LMX1B: variants seen among roughly 807,000 people sequenced by gnomAD.
The protein encoded by LMX1B is LIM homeobox transcription factor 1 beta, also known as LIM homeobox transcription factor 1-beta.
A neutral mutation model predicts 51.4 loss-of-function variants in LMX1B; 12 were observed. That is an observed-to-expected ratio of 0.23 (90% CI 0.15 to 0.38). The LOEUF is 0.38. LMX1B is among the 10% of genes least tolerant of loss of function. The pLI, the probability that LMX1B is intolerant of heterozygous loss-of-function variation, is 1.00. For missense variants in LMX1B, 445 were observed against 571.1 expected (o/e 0.78, Z 2.25); for synonymous variants, 237 against 235.4 (o/e 1.01, Z -0.06).
At chr9:126,651,789 C>T (rs1238262123) in intron 2 of LMX1B, among the ~76,000 whole-genome samples, 1 of 152,122 alleles carries the variant, frequency 6.6e-6, no homozygotes, top group African/African-American at 2.4e-5. Context: ...ATGAGGATCC[C>T]ACAGACCAGG....
Position 126,673,499 on chromosome 9 carries a change from T to C in LMX1B, c.327-17337T>C, listed in dbSNP as rs1422346852. 1.3e-5 allele frequency among the ~76,000 whole-genome samples: 2 copies of C among 152,156 alleles called. No homozygotes were observed. Among genetic ancestry groups the C allele is most frequent in the African/African-American group, 2.4e-5 (1 of 41,436 alleles). On this transcript the variant is annotated intron_variant, in intron 2 of 7. Transcript: ENST00000373474. The surrounding 1 kb of genome is among the most constrained non-coding windows in gnomAD (Gnocchi z 4.4). The stretch of plus-strand genomic sequence containing the variant: ...CTCAGGTAGGGCAGAAGGTAGCTTT[T>C]GGCACCATCAGGGAGGTGGAGATGG...
intron 2 of LMX1B, among the ~76,000 whole-genome samples, chr9:126,628,450 C>T (rs1388461345): frequency 6.6e-6 from 1 of 152,156 alleles, no homozygotes; most frequent in African/African-American, 2.4e-5. Context: ...AAAAGGTCCC[C>T]AAATCTACAA....
At chr9:126,683,272 C>G (rs1200523150) in intron 2 of LMX1B, among the ~76,000 whole-genome samples, 1 of 151,374 alleles carries the variant, frequency 6.6e-6, no homozygotes, top group Non-Finnish European at 1.5e-5. Context: ...GACGCGCGTA[C>G]CGGGGCCCCC....
At chr9:126,662,116 T>C (rs1268591696) in intron 2 of LMX1B, among the ~76,000 whole-genome samples, 1 of 152,226 alleles carries the variant, frequency 6.6e-6, no homozygotes. Flanking sequence ...ACAGGGCTGC[T>C]GCTACCAGTC....
Position 126,615,182 on chromosome 9 carries a change from C to G in LMX1B, c.140-201C>G, listed in dbSNP as rs1456220427. ...CCAAGGCTCGAGGCCCGCGGCCTCT[C>G]CACGCCGGAGCCCGAGGACTGGGAC... On this transcript the variant is annotated intron_variant, in intron 1 of 7. Transcript: ENST00000373474. The surrounding 1 kb of genome is among the most constrained non-coding windows in gnomAD (Gnocchi z 6.0). Among the ~76,000 whole-genome samples the G allele has an allele frequency of 6.6e-6, 1 of 151,932 alleles. No individual in the cohort carries two copies. The highest frequency in any genetic ancestry group is 1.5e-5 in the Non-Finnish European group (1 of 67,944).
rs1251685731 is a variant in LMX1B, at chr9:126,698,933, G to A, written c.*2482G>A. 2.0e-5 allele frequency: 3 copies of A among 152,302 alleles called. No homozygotes were observed. The highest frequency in any genetic ancestry group is 4.4e-5 in the Non-Finnish European group (3 of 68,150). 9.4% of individuals were successfully genotyped at this position (152,302 alleles called of 1,614,324 possible). ...TTCTTACAAACAGAGCCTCTCCAAG[G>A]ACCTCAGTTGATGTTCTGGTCCTTC... On this transcript the variant is annotated 3_prime_UTR_variant, in exon 8 of 8. Transcript: ENST00000373474.
chr9:126,663,435 A>G (rs1028707711), intron 2 of LMX1B, among the ~76,000 whole-genome samples: 2 of 151,158 alleles, frequency 1.3e-5, no homozygotes, highest in African/African-American at 4.8e-5. Context: ...AAAAAAAAAA[A>G]AAAGAAAAAA....
chr9:126,668,159 C>T (rs1836381551), intron 2 of LMX1B, among the ~76,000 whole-genome samples: 1 of 152,064 alleles, frequency 6.6e-6, no homozygotes. Flanking sequence ...GTGTTTGGGG[C>T]TCAGGGACAG....
chr9:126,691,901 G>A (rs935907621), intron 3 of LMX1B, among the ~76,000 whole-genome samples: 4 of 152,226 alleles, frequency 2.6e-5, no homozygotes, highest in African/African-American at 4.8e-5. Flanking sequence ...CCAAAAGGAC[G>A]AGGCCAATTT....
At chr9:126,687,151 T>G (rs2029926283) in intron 2 of LMX1B, among the ~76,000 whole-genome samples, 1 of 152,004 alleles carries the variant, frequency 6.6e-6, no homozygotes, top group Non-Finnish European at 1.5e-5. Flanking sequence ...CATGCCAGCA[T>G]GGTGCCGAGG....
rs2030296605 is a variant in LMX1B at position 126,695,614 on chromosome 9, G to A, written c.887-225G>A. ...ATCCCCTGGAGGGGCGGGGTGGTGG[G>A]AGGAAAGAAGATGAGGAGGGGAGGA... On this transcript the variant is annotated intron_variant, in intron 6 of 7. Coordinates refer to ENST00000373474, the MANE Select transcript of LMX1B (RefSeq NM_001174147.2). This position sits in a 1 kb window ranked among gnomAD's most constrained non-coding sequence, Gnocchi z 5.2. Among the ~76,000 whole-genome samples, 1 of 152,164 alleles carries A rather than the reference G, an allele frequency of 6.6e-6. No individual in the cohort carries two copies. The highest frequency in any genetic ancestry group is 6.5e-5 in the Admixed American group (1 of 15,272).
At chr9:126,689,464 A>G (rs2030033981) in intron 2 of LMX1B, among the ~76,000 whole-genome samples, 1 of 152,258 alleles carries the variant, frequency 6.6e-6, no homozygotes, top group Admixed American at 6.5e-5. Context: ...GCGCCCGCAG[A>G]CATGGCCCGG....
intron 2 of LMX1B, among the ~76,000 whole-genome samples, chr9:126,644,645 G>A (rs1293080826): frequency 6.6e-6 from 1 of 152,192 alleles, no homozygotes; most frequent in Non-Finnish European, 1.5e-5. Flanking sequence ...GCTCGGGGAA[G>A]ATAATGGCTT....
chr9:126,644,681 ACT>A (rs1363234627), intron 2 of LMX1B, among the ~76,000 whole-genome samples: 1 of 151,712 alleles, frequency 6.6e-6, no homozygotes, highest in African/African-American at 2.4e-5. Context: ...CCGAGTGAGA[ACT>A]CTACTTTGCC....
At chr9:126,670,389 C>T (rs1439790618) in intron 2 of LMX1B, among the ~76,000 whole-genome samples, 9 of 152,220 alleles carry the variant, frequency 5.9e-5, no homozygotes, top group Non-Finnish European at 1.0e-4. Context: ...TGTGTACGTA[C>T]GCATCCTTGG....
intron 2 of LMX1B, among the ~76,000 whole-genome samples, chr9:126,645,182 C>T (rs1037061688): frequency 2.0e-5 from 3 of 152,200 alleles, no homozygotes; most frequent in African/African-American, 7.2e-5. Context: ...AGGGATCTCA[C>T]CTCCCAGAGA....
Position 126,695,606 on chromosome 9 carries a change from G to C in LMX1B, c.887-233G>C, listed in dbSNP as rs1268931668. Among the ~76,000 whole-genome samples the C allele has an allele frequency of 6.6e-6, 1 of 152,198 alleles. No individual in the cohort carries two copies. The highest frequency in any genetic ancestry group is 1.9e-4 in the East Asian group (1 of 5,200). On this transcript the variant is annotated intron_variant, in intron 6 of 7. Coordinates refer to ENST00000373474, the MANE Select transcript of LMX1B (RefSeq NM_001174147.2). The surrounding 1 kb of genome is among the most constrained non-coding windows in gnomAD (Gnocchi z 5.2). ...CTCCCTGGATCCCCTGGAGGGGCGGGGTGGTGGGAGGAAAGAAGATGAGGA... is the reference window on the plus strand; with the variant it reads ...CTCCCTGGATCCCCTGGAGGGGCGGCGTGGTGGGAGGAAAGAAGATGAGGA...
chr9:126,656,000 G>C (rs570884253), intron 2 of LMX1B, among the ~76,000 whole-genome samples: 2 of 152,144 alleles, frequency 1.3e-5, no homozygotes, highest in Admixed American at 1.3e-4. Flanking sequence ...TAGAGTGTAC[G>C]GGGGAAGTAT....
In LMX1B at chr9:126,658,779, A is replaced by G. The variant is rs1836169542; in HGVS notation, c.327-32057A>G. Among the ~76,000 whole-genome samples, 1 of 152,254 alleles carries G rather than the reference A, an allele frequency of 6.6e-6. No individual in the cohort carries two copies. Among genetic ancestry groups the G allele is most frequent in the Non-Finnish European group, 1.5e-5 (1 of 68,042 alleles). ...TCAAATTATCAAGCCAAAACCTGGG[A>G]AAGTCATTTGCATTCATTGCAGCAG... On this transcript the variant is annotated intron_variant, in intron 2 of 7. Coordinates refer to ENST00000373474, the MANE Select transcript of LMX1B (RefSeq NM_001174147.2). This position sits in a 1 kb window ranked among gnomAD's most constrained non-coding sequence, Gnocchi z 4.0.
Sources: allele counts gnomAD v4.1 joint callset (sites outside exome capture counted in the v4.1 genomes callset), GRCh38; gene constraint gnomAD v4.1.1; non-coding constraint Gnocchi (gnomAD v3.1); transcripts MANE v1.5; gene names NCBI Gene and HGNC (gene_info 2026-07-23, HGNC 2026-07-21).